FRAS1: variants seen among roughly 807,000 people sequenced by gnomAD.
FRAS1 encodes Fraser extracellular matrix complex subunit 1.
FRAS1 carries 290 observed loss-of-function variants against 435.2 expected under a neutral mutation model. That is an observed-to-expected ratio of 0.67 (90% CI 0.61 to 0.73). The LOEUF (loss-of-function observed/expected upper bound fraction) is 0.73, where lower values mean the gene tolerates loss of function less well. Ranked by LOEUF, FRAS1 falls within the 30% of genes least tolerant of loss-of-function variation. The pLI is 0.00. For synonymous variants in FRAS1, 1,800 were observed against 1,851.0 expected (o/e 0.97, Z 0.71); for missense variants, 4,860 against 5,001.5 (o/e 0.97, Z 0.85).
intron 26 of FRAS1, among the ~76,000 whole-genome samples, chr4:78,378,245 C>T (rs948171125): frequency 1.3e-5 from 2 of 152,146 alleles, no homozygotes; most frequent in Non-Finnish European, 2.9e-5. Flanking sequence ...TATCATGAAT[C>T]AGCACATCAT....
chr4:78,464,801 A>G (rs1427528360), intron 49 of FRAS1, among the ~76,000 whole-genome samples: 1 of 152,222 alleles, frequency 6.6e-6, no homozygotes, highest in Non-Finnish European at 1.5e-5. Context: ...CTGAAAACCT[A>G]AATACATCCA....
chr4:78,114,274 C>G (rs1039982657), intron 2 of FRAS1, among the ~76,000 whole-genome samples: 1 of 152,134 alleles, frequency 6.6e-6, no homozygotes, highest in Non-Finnish European at 1.5e-5. Context: ...ATGCCTCCAG[C>G]TTTGTTCTTT....
At chr4:78,279,612 C>T (rs1180916914) in intron 10 of FRAS1, among the ~76,000 whole-genome samples, 2 of 152,096 alleles carry the variant, frequency 1.3e-5, no homozygotes, top group African/African-American at 4.8e-5. Flanking sequence ...AGATGAGGGG[C>T]AAAACTCTAT....
intron 23 of FRAS1, among the ~76,000 whole-genome samples, chr4:78,371,298 G>A (rs1026936935): frequency 6.6e-6 from 1 of 152,084 alleles, no homozygotes; most frequent in Non-Finnish European, 1.5e-5. Context: ...GTACTGTCTT[G>A]CACATTTACC....
Position 78,387,441 on chromosome 4 carries a change from C to A in FRAS1, c.3715C>A (p.Gln1239Lys), listed in dbSNP as rs775139818. Residue 1239 changes from glutamine (Q) to lysine (K), a missense_variant, in exon 29 of 74, where the codon CAG (glutamine) becomes AAG (lysine). Coordinates refer to ENST00000512123, the MANE Select transcript of FRAS1 (RefSeq NM_025074.7). ...SRGERATITT[Q>K]MLDIRDDDNP... ...AGGAGAGAGGGCAACCATCACCACC[C>A]AGATGCTTGACATCCGAGATGATGA... is the stretch of plus-strand genomic sequence containing the variant. 1.3e-5 allele frequency: 21 copies of A among 1,613,636 alleles called. No individual in the cohort carries two copies. In the African/African-American group the frequency reaches 2.1e-4, roughly 16 times the overall value.
intron 2 of FRAS1, among the ~76,000 whole-genome samples, chr4:78,157,841 GT>G (rs1720960792): frequency 6.6e-6 from 1 of 150,378 alleles, no homozygotes; most frequent in Admixed American, 6.7e-5. Context: ...ATCAATTTTT[GT>G]TTTTGTTGCA....
chr4:78,331,754 T>A (rs1391625127), intron 18 of FRAS1, among the ~76,000 whole-genome samples: 1 of 152,228 alleles, frequency 6.6e-6, no homozygotes, highest in African/African-American at 2.4e-5. Flanking sequence ...GTCTTTGTCT[T>A]ACTCATTATT....
chr4:78,060,903 G>C (rs1739733993), intron 1 of FRAS1, among the ~76,000 whole-genome samples: 2 of 151,990 alleles, frequency 1.3e-5, no homozygotes, highest in Non-Finnish European at 1.5e-5. Flanking sequence ...CTAGAGTGCA[G>C]TGGTGCAATC....
intron 2 of FRAS1, among the ~76,000 whole-genome samples, chr4:78,167,457 G>A (rs1000290214): frequency 6.6e-6 from 1 of 151,998 alleles, no homozygotes; most frequent in Non-Finnish European, 1.5e-5. Context: ...TGCAGAGGTA[G>A]GTGAGCAATC....
chr4:78,442,909 A>G (rs184501443), intron 41 of FRAS1, among the ~76,000 whole-genome samples: 1 of 152,326 alleles, frequency 6.6e-6, no homozygotes, highest in Admixed American at 6.5e-5. Flanking sequence ...CTGCTCTACA[A>G]TAATATTGGT....
At position 78,063,236 on chromosome 4, in the gene FRAS1, T is replaced by C. The variant is rs369358434; in HGVS notation, c.77-2749T>C. Among the ~76,000 whole-genome samples the C allele has an allele frequency of 6.6e-5, 10 of 152,280 alleles. No homozygotes were observed. In the East Asian group the frequency reaches 1.5e-3, roughly 24 times the overall value. On this transcript the variant is annotated intron_variant, in intron 1 of 73. Coordinates refer to ENST00000512123, the MANE Select transcript of FRAS1 (RefSeq NM_025074.7). ...AACCAGAAGCTACACCCAGTACCCA[T>C]GTCAACAAACCCCTCAACTTCATCT...
intron 2 of FRAS1, among the ~76,000 whole-genome samples, chr4:78,078,561 TA>T (rs1249737987): frequency 6.6e-6 from 1 of 151,982 alleles, no homozygotes. Context: ...AGTGTAAAAC[TA>T]AAAAGAAAAA....
intron 23 of FRAS1, among the ~76,000 whole-genome samples, chr4:78,371,083 G>GGTTTTTTTTTTTTTTTTTTTTT (rs1456015210): frequency 7.8e-6 from 1 of 127,402 alleles, no homozygotes; most frequent in Non-Finnish European, 1.6e-5. Context: ...TTTTTTTTCT[G>GGTTTTTTTTTTTTTTTTTTTTT]TTTTTTTGTT....
intron 61 of FRAS1, among the ~76,000 whole-genome samples, chr4:78,501,652 G>A (rs529150728): frequency 6.6e-6 from 1 of 152,042 alleles, no homozygotes; most frequent in African/African-American, 2.4e-5. Context: ...TTTAATGATC[G>A]CCAGTCTAAC....
In FRAS1 at chr4:78,433,335, A is replaced by G. The variant is rs564553939; in HGVS notation, c.5217+731A>G. Among the ~76,000 whole-genome samples, 21 of 152,342 alleles carry G rather than the reference A, an allele frequency of 1.4e-4. No individual in the cohort carries two copies. In the South Asian group the frequency reaches 4.4e-3, roughly 32 times the overall value. ...TAAGCAGATATGTGCTCTCTATGTA[A>G]ACATAATAATGACTAGTTTTTACAA... On this transcript the variant is annotated intron_variant, in intron 38 of 73. Transcript: ENST00000512123.
At chr4:78,243,106 C>T (rs1185103981) in intron 3 of FRAS1, among the ~76,000 whole-genome samples, 4 of 152,236 alleles carry the variant, frequency 2.6e-5, no homozygotes, top group Non-Finnish European at 2.9e-5. Context: ...CACGGCATTA[C>T]GTGGTAAGGT....
At chr4:78,388,279 C>T (rs558767869) in intron 29 of FRAS1, among the ~76,000 whole-genome samples, 5 of 149,216 alleles carry the variant, frequency 3.4e-5, no homozygotes, top group African/African-American at 1.0e-4. Context: ...GAGCCGAGAT[C>T]GCGCCACTGC....
At chr4:78,438,526 C>T in intron 38 of FRAS1, 44 bp from the exon 39 acceptor site, 3 of 1,609,352 alleles carry the variant, frequency 1.9e-6, no homozygotes, top group Non-Finnish European at 2.5e-6. Flanking sequence ...GTGTTTATTC[C>T]TGCAAATGTG....
intron 35 of FRAS1, among the ~76,000 whole-genome samples, chr4:78,425,783 T>C (rs1039036484): frequency 5.9e-5 from 9 of 152,194 alleles, no homozygotes; most frequent in African/African-American, 2.2e-4. Flanking sequence ...CTTATAACAA[T>C]ATTTTAAGGA....
Sources: gnomAD v4.1 joint callset for allele counts (sites outside exome capture counted in the v4.1 genomes callset) on GRCh38, gnomAD v4.1.1 for gene constraint, MANE v1.5 for transcripts, NCBI Gene and HGNC (gene_info 2026-07-23, HGNC 2026-07-21) for gene names.